The following HECW2 variants were observed in gnomAD, a reference collection of about 807,000 sequenced individuals.
HECW2 encodes the protein E3 ubiquitin-protein ligase HECW2.
In HECW2, 61 loss-of-function variants were observed where a neutral mutation model predicts 175.2. The ratio of observed to expected loss-of-function variants is 0.35; its 90% CI spans 0.28 to 0.43. HECW2 has a LOEUF of 0.43. Ranked by LOEUF, HECW2 falls within the 20% of genes least tolerant of loss-of-function variation. The pLI, the probability that HECW2 is intolerant of heterozygous loss-of-function variation, is 1.00. For missense variants in HECW2, 1,524 were observed against 2,000.5 expected (o/e 0.76, Z 4.54); for synonymous variants, 671 against 731.0 (o/e 0.92, Z 1.32).
At chr2:196,276,503 G>A (rs1019599238) in intron 15 of HECW2, among the ~76,000 whole-genome samples, 1 of 152,202 alleles carries the variant, frequency 6.6e-6, no homozygotes, top group Non-Finnish European at 1.5e-5. Context: ...CAAACAGCCA[G>A]CTTCATACTG....
intron 21 of HECW2, chr2:196,240,087 G>A (rs1688391794): frequency 6.3e-6 from 1 of 158,550 alleles, no homozygotes; most frequent in African/African-American, 2.4e-5. Context: ...GCCCTGCAGG[G>A]TAGAAAATAA....
chr2:196,530,675 T>C (rs1334782881), intron 1 of HECW2, among the ~76,000 whole-genome samples: 1 of 152,238 alleles, frequency 6.6e-6, no homozygotes, highest in African/African-American at 2.4e-5. Flanking sequence ...TAGTTATTCA[T>C]AAACAACTAA....
At chr2:196,325,721 T>A (rs1692125539) in intron 5 of HECW2, among the ~76,000 whole-genome samples, 1 of 152,250 alleles carries the variant, frequency 6.6e-6, no homozygotes, top group Non-Finnish European at 1.5e-5. Flanking sequence ...AAATGTCATA[T>A]ATATTCCATA....
intron 1 of HECW2, among the ~76,000 whole-genome samples, chr2:196,589,201 AAAAT>A (rs1177839936): frequency 1.3e-5 from 2 of 152,166 alleles, no homozygotes; most frequent in Non-Finnish European, 2.9e-5. Flanking sequence ...CCTGTCTCAA[AAAAT>A]AAATAAATAA....
chr2:196,322,470 C>A lies in HECW2; in HGVS notation c.884+8G>T. 6.2e-7 allele frequency: 1 copy of A among 1,612,220 alleles called. No homozygotes were observed. Among genetic ancestry groups the A allele is most frequent in the South Asian group, 1.1e-5 (1 of 90,602 alleles). On this transcript the variant is annotated splice_region_variant and intron_variant, in intron 7 of 28. Coordinates refer to ENST00000644978, the MANE Select transcript of HECW2 (RefSeq NM_001348768.2). ...TCAACAAGATCCCCAAAGGTAAGGG[C>A]TGATTACCCGATGGCTTGTCGCTCC...
chr2:196,460,148 CATTCTTCAGCTGACAAT>C (rs1317476721), intron 1 of HECW2, among the ~76,000 whole-genome samples: 1 of 152,136 alleles, frequency 6.6e-6, no homozygotes, highest in Non-Finnish European at 1.5e-5. Flanking sequence ...TGAACCTCAT[CATTCTTCAGCTGACAAT>C]GAGGCTGGAA....
intron 1 of HECW2, among the ~76,000 whole-genome samples, chr2:196,446,831 T>C (rs1399448526): frequency 6.6e-6 from 1 of 151,994 alleles, no homozygotes; most frequent in Non-Finnish European, 1.5e-5. Context: ...CAAACAAGAG[T>C]GTCAAACCTG....
intron 1 of HECW2, among the ~76,000 whole-genome samples, chr2:196,470,309 T>C (rs1697144862): frequency 6.6e-6 from 1 of 151,782 alleles, no homozygotes; most frequent in Non-Finnish European, 1.5e-5. Context: ...AAAAAAAGGA[T>C]ACAATTTTGA....
At chr2:196,457,162 T>C (rs1177488284) in intron 1 of HECW2, among the ~76,000 whole-genome samples, 5 of 152,180 alleles carry the variant, frequency 3.3e-5, no homozygotes, top group Non-Finnish European at 7.3e-5. Context: ...TTTGGAGAGA[T>C]ACTACACATA....
intron 1 of HECW2, among the ~76,000 whole-genome samples, chr2:196,496,209 G>A (rs1330352272): frequency 6.6e-6 from 1 of 151,646 alleles, no homozygotes; most frequent in Non-Finnish European, 1.5e-5. Context: ...ACCTTTGTAT[G>A]TGTGTGTGTG....
intron 1 of HECW2, among the ~76,000 whole-genome samples, chr2:196,455,645 C>A (rs1318101006): frequency 6.6e-6 from 1 of 152,028 alleles, no homozygotes; most frequent in Non-Finnish European, 1.5e-5. Flanking sequence ...TTGTGACATT[C>A]TCTTTTGGGA....
rs1691839916 is a variant in HECW2 at position 196,319,245 on chromosome 2, C to T, written c.1645G>A (p.Glu549Lys). The T allele has an allele frequency of 1.2e-6, 2 of 1,600,260 alleles. No homozygotes were observed. Among genetic ancestry groups the T allele is most frequent in the Non-Finnish European group, 1.7e-6 (2 of 1,173,764 alleles). ...TGAGGCTCTGGGCCGCCTTCACCTT[C>T]CTCTGGGGCTGGGCCTGCAGGTAAG... ...SSLPAGPAPE[E>K]GEGGPEPQPS... The change falls in exon 9 of 29, where the codon GAA becomes AAA. Residue 549 changes from glutamate (E) to lysine (K), a missense_variant. Transcript: ENST00000644978.
chr2:196,363,933 C>T (rs112745228), intron 2 of HECW2, among the ~76,000 whole-genome samples: 116 of 152,330 alleles, frequency 7.6e-4, no homozygotes, highest in African/African-American at 2.6e-3. Flanking sequence ...AACAAATAGA[C>T]TTCTTAACAA....
intron 1 of HECW2, among the ~76,000 whole-genome samples, chr2:196,481,528 C>G (rs1291424298): frequency 1.3e-5 from 2 of 152,202 alleles, no homozygotes; most frequent in African/African-American, 4.8e-5. Flanking sequence ...GAGTATTGCT[C>G]ATTCTGGGAT....
rs551012777 is a variant in HECW2 at position 196,586,335 on chromosome 2, T to A, written c.-36+7173A>T. Among the ~76,000 whole-genome samples the A allele has an allele frequency of 6.6e-5, 10 of 152,332 alleles. No homozygotes were observed. The South Asian group carries it at 2.1e-3, about 32-fold the overall frequency. On this transcript the variant is annotated intron_variant, in intron 1 of 28. Coordinates refer to ENST00000644978, the MANE Select transcript of HECW2 (RefSeq NM_001348768.2). ...TATGACTTAGGTATACCACTTGATA[T>A]AACACAAATCATTTCTAATCACTGT...
At chr2:196,228,069 C>T (rs748736567) in intron 22 of HECW2, 33 bp downstream of exon 22, 1 of 1,485,630 alleles carries the variant, frequency 6.7e-7, no homozygotes. Flanking sequence ...TAGGAAATCG[C>T]CTGAAGAAAA....
chr2:196,374,050 T>TA (rs1379110469), intron 2 of HECW2, among the ~76,000 whole-genome samples: 1 of 147,176 alleles, frequency 6.8e-6, no homozygotes, highest in Non-Finnish European at 1.5e-5. Context: ...TAAAATAAAA[T>TA]AAATAAATAA....
At chr2:196,432,220 T>A (rs906543703) in intron 2 of HECW2, among the ~76,000 whole-genome samples, 1 of 152,126 alleles carries the variant, frequency 6.6e-6, no homozygotes, top group Admixed American at 6.5e-5. Flanking sequence ...GGTCTTTTTT[T>A]CCTCTGATTT....
At chr2:196,241,702 CA>C (rs1469215167) in intron 20 of HECW2, among the ~76,000 whole-genome samples, 2 of 152,128 alleles carry the variant, frequency 1.3e-5, no homozygotes, top group Non-Finnish European at 2.9e-5. Flanking sequence ...CAGAGCTGAG[CA>C]CTATTCCTAC....
Sources: allele counts gnomAD v4.1 joint callset (sites outside exome capture counted in the v4.1 genomes callset), GRCh38; gene constraint gnomAD v4.1.1; transcripts MANE v1.5; gene names NCBI Gene and HGNC (gene_info 2026-07-23, HGNC 2026-07-21).